The following AP2M1 variants were observed in gnomAD, a reference collection of about 807,000 sequenced individuals.
The protein encoded by AP2M1 is AP-2 complex subunit mu.
A neutral mutation model predicts 54.5 loss-of-function variants in AP2M1; 5 were observed. The ratio of observed to expected loss-of-function variants is 0.09; its 90% CI spans 0.05 to 0.19. The LOEUF (loss-of-function observed/expected upper bound fraction) is 0.19. AP2M1 is among the 10% of genes least tolerant of loss of function. The pLI, the probability that AP2M1 is intolerant of heterozygous loss-of-function variation, is 1.00. For missense variants in AP2M1, 178 were observed against 580.2 expected (o/e 0.31, Z 7.12); for synonymous variants, 186 against 208.2 (o/e 0.89, Z 0.92).
Position 184,181,875 on chromosome 3 carries a change from G to T in AP2M1, c.828-37G>T. The T allele has an allele frequency of 1.2e-6, 2 of 1,613,948 alleles. No individual in the cohort carries two copies. The highest frequency in any genetic ancestry group is 2.2e-5 in the South Asian group (2 of 91,058). ...CTGGCAGACTGGGGAGAGGAAGTGGGTCAGCTCTTTGGTAACCTTGCTTCC... is the reference window on the plus strand; with the variant it reads ...CTGGCAGACTGGGGAGAGGAAGTGGTTCAGCTCTTTGGTAACCTTGCTTCC... On this transcript the variant is annotated intron_variant, in intron 8 of 11. Transcript: ENST00000292807. This position sits in a 1 kb window ranked among gnomAD's most constrained non-coding sequence, Gnocchi z 5.7.
Position 184,181,822 on chromosome 3 carries a change from T to A in AP2M1, c.827+7T>A. 6.2e-7 allele frequency: 1 copy of A among 1,614,088 alleles called. No individual in the cohort carries two copies. On this transcript the variant is annotated splice_region_variant and intron_variant, in intron 8 of 11. Coordinates refer to ENST00000292807, the MANE Select transcript of AP2M1 (RefSeq NM_004068.4). This position sits in a 1 kb window ranked among gnomAD's most constrained non-coding sequence, Gnocchi z 5.7. The stretch of plus-strand genomic sequence containing the variant: ...GAGAGTTTGAGCTTATGAGGTGCCA[T>A]TGGGGTGTGAGGAGGCAGCTAGTGC...
chr3:184,178,898 C>G lies in AP2M1; in HGVS notation c.116C>G (p.Ala39Gly), dbSNP rs1447584022. 1 of 1,614,134 alleles carries G rather than the reference C, an allele frequency of 6.2e-7. No homozygotes were observed. Among genetic ancestry groups the G allele is most frequent in the Non-Finnish European group, 8.5e-7 (1 of 1,180,028 alleles). Residue 39 changes from alanine (A) to glycine (G), a missense_variant, in exon 3 of 12, where the codon GCC (alanine) becomes GGC (glycine). Around this residue, in one of 5 missense-constraint regions of AP2M1, gnomAD observed 115 missense variants for 331.2 expected, o/e 0.35. Coordinates refer to ENST00000292807, the MANE Select transcript of AP2M1 (RefSeq NM_004068.4). The surrounding 1 kb of genome is among the most constrained non-coding windows in gnomAD (Gnocchi z 4.9). Reference protein sequence around the residue: ...VDAFRVNVIHARQQVRSPVTN... With the variant: ...VDAFRVNVIHGRQQVRSPVTN... ...GCCTTTCGGGTCAATGTTATCCATG[C>G]CCGGCAGCAGGTGCGCAGCCCCGTC...
rs566186316 is a variant in AP2M1 at position 184,182,426 on chromosome 3, G to A, written c.1061+178G>A. On this transcript the variant is annotated intron_variant, in intron 10 of 11. Transcript: ENST00000292807. This position sits in a 1 kb window ranked among gnomAD's most constrained non-coding sequence, Gnocchi z 5.5. ...TGTGAGTATGTACACGCCTGCATTT[G>A]GGTTCATGCACGTGCTTATTTTTTA... is the stretch of plus-strand genomic sequence containing the variant. 8 of 667,948 alleles carry A rather than the reference G, an allele frequency of 1.2e-5. No individual in the cohort carries two copies. The African/African-American group carries it at 1.3e-4, about 11-fold the overall frequency. 41.4% of individuals were successfully genotyped at this position (667,948 alleles called of 1,614,324 possible).
Position 184,182,061 on chromosome 3 carries a change from G to C in AP2M1, c.963+14G>C, listed in dbSNP as rs770879947. On this transcript the variant is annotated intron_variant, in intron 9 of 11. Coordinates refer to ENST00000292807, the MANE Select transcript of AP2M1 (RefSeq NM_004068.4). The surrounding 1 kb of genome is among the most constrained non-coding windows in gnomAD (Gnocchi z 5.5). ...CAGAAGATCGAGGTGAGGACAGGGG[G>C]CTCAAGGAGGAGGAAGAACTTGTCC... 1 of 1,612,042 alleles carries C rather than the reference G, an allele frequency of 6.2e-7. No individual in the cohort carries two copies. The highest frequency in any genetic ancestry group is 1.1e-5 in the South Asian group (1 of 90,870).
At chr3:184,177,419 C>T in intron 2 of AP2M1, 1 of 870,016 alleles carries the variant, frequency 1.1e-6, no homozygotes, top group African/African-American at 1.7e-5. Flanking sequence ...GGTTAGTGGC[C>T]ACGCTGGAGG....
chr3:184,180,301 A>G lies in AP2M1; in HGVS notation c.423+50A>G. ...TCAGGGTGGAGTCCAATCTCCCTTC[A>G]TCTCAGCTGGCCCCTGAGCCTTGTC... On this transcript the variant is annotated intron_variant, in intron 4 of 11. Transcript: ENST00000292807. This position sits in a 1 kb window ranked among gnomAD's most constrained non-coding sequence, Gnocchi z 4.9. 6.3e-7 allele frequency: 1 copy of G among 1,593,712 alleles called. No homozygotes were observed. The highest frequency in any genetic ancestry group is 1.3e-5 in the African/African-American group (1 of 74,650).
Position 184,180,615 on chromosome 3 carries a change from T to G in AP2M1, c.424-30T>G. The G allele has an allele frequency of 1.9e-6, 3 of 1,613,666 alleles. No individual in the cohort carries two copies. The highest frequency in any genetic ancestry group is 1.7e-6 in the Non-Finnish European group (2 of 1,180,036). ...TTTCTGCCTCCCTTGCTGCTTCATG[T>G]GGGCACCTCGTTGGCCCTGCGGCCT... On this transcript the variant is annotated intron_variant, in intron 4 of 11. Transcript: ENST00000292807. This position sits in a 1 kb window ranked among gnomAD's most constrained non-coding sequence, Gnocchi z 4.9.
intron 2 of AP2M1, 62 bp downstream of exon 2, chr3:184,177,129 G>T: frequency 6.5e-7 from 1 of 1,528,052 alleles, no homozygotes; most frequent in Non-Finnish European, 8.9e-7. Context: ...CCAGCATACA[G>T]GATTAGGTCT....
Position 184,183,433 on chromosome 3 carries a change from A to C in AP2M1, c.1174-49A>C, listed in dbSNP as rs763660858. On this transcript the variant is annotated intron_variant, in intron 11 of 11. Transcript: ENST00000292807. This position sits in a 1 kb window ranked among gnomAD's most constrained non-coding sequence, Gnocchi z 5.7. ...AGGGCAACGGGACTTCCCAGAGGAG[A>C]GCGGCTGTAAGAGGAAGGCCACATT... The C allele has an allele frequency of 1.9e-6, 3 of 1,611,290 alleles. No individual in the cohort carries two copies. The highest frequency in any genetic ancestry group is 3.3e-5 in the Admixed American group (2 of 59,898).
chr3:184,175,296 C>G (rs1715030792), intron 1 of AP2M1, among the ~76,000 whole-genome samples: 1 of 152,132 alleles, frequency 6.6e-6, no homozygotes, highest in African/African-American at 2.4e-5. Flanking sequence ...ACAATTTCCC[C>G]GTCTCGTAGG....
intron 2 of AP2M1, chr3:184,177,396 C>T (rs763689526): frequency 7.3e-6 from 5 of 686,538 alleles, no homozygotes; most frequent in Non-Finnish European, 9.8e-6. Context: ...GGAGAAATGT[C>T]TCCAGTGGGT....
At position 184,182,136 on chromosome 3, in the gene AP2M1, G is replaced by C. The variant is rs1715295074; in HGVS notation, c.964-15G>C. 1 of 1,613,578 alleles carries C rather than the reference G, an allele frequency of 6.2e-7. No individual in the cohort carries two copies. The highest frequency in any genetic ancestry group is 8.5e-7 in the Non-Finnish European group (1 of 1,179,710). ...ACAGCTTGACAGAGCTCCCTGACAG[G>C]TGTGTCACTTCTAGGTGAGGATCCC... On this transcript the variant is annotated splice_polypyrimidine_tract_variant and intron_variant, in intron 9 of 11. Coordinates refer to ENST00000292807, the MANE Select transcript of AP2M1 (RefSeq NM_004068.4). The surrounding 1 kb of genome is among the most constrained non-coding windows in gnomAD (Gnocchi z 5.5).
rs1715329656 is a variant in AP2M1 at position 184,183,143 on chromosome 3, T to C, written c.1173+275T>C. The C allele has an allele frequency of 7.1e-6, 4 of 561,798 alleles. No individual in the cohort carries two copies. The highest frequency in any genetic ancestry group is 1.3e-5 in the Non-Finnish European group (4 of 313,586). The allele number at this position is 561,798 out of a possible 1,614,324, so 34.8% of individuals were successfully genotyped here. Reference sequence around the variant, plus strand: ...ATGCCAGGTAAGACACAAAGTTTACTTACAGACAGGATAATGGGCTGACTT... The same window carrying C: ...ATGCCAGGTAAGACACAAAGTTTACCTACAGACAGGATAATGGGCTGACTT... On this transcript the variant is annotated intron_variant, in intron 11 of 11. Transcript: ENST00000292807. The surrounding 1 kb of genome is among the most constrained non-coding windows in gnomAD (Gnocchi z 5.7).
intron 2 of AP2M1, chr3:184,177,841 G>A: frequency 1.7e-6 from 1 of 594,616 alleles, no homozygotes; most frequent in Non-Finnish European, 3.0e-6. Flanking sequence ...CTTCCTCAGA[G>A]AGCTTGAGAT....
In AP2M1 at chr3:184,176,978, A is replaced by C; in HGVS notation, c.-16A>C. 1.2e-6 allele frequency: 2 copies of C among 1,613,396 alleles called. No individual in the cohort carries two copies. The highest frequency in any genetic ancestry group is 2.7e-5 in the African/African-American group (2 of 74,994). On this transcript the variant is annotated 5_prime_UTR_variant, in exon 2 of 12. Transcript: ENST00000292807. ...CTGTTCTCAGAGCGATGGGCCGCGG[A>C]GACTGATCTGCCGCCATGATTGGAG...
In AP2M1 at chr3:184,180,577, G is replaced by C; in HGVS notation, c.424-68G>C. Reference sequence around the variant, plus strand: ...TCTCCTCTAGGATCCAAGCCTCATAGCTTTCTCCTCCTTTTCTGCCTCCCT... The same window carrying C: ...TCTCCTCTAGGATCCAAGCCTCATACCTTTCTCCTCCTTTTCTGCCTCCCT... On this transcript the variant is annotated intron_variant, in intron 4 of 11. Coordinates refer to ENST00000292807, the MANE Select transcript of AP2M1 (RefSeq NM_004068.4). This position sits in a 1 kb window ranked among gnomAD's most constrained non-coding sequence, Gnocchi z 4.9. 1 of 1,611,704 alleles carries C rather than the reference G, an allele frequency of 6.2e-7. No homozygotes were observed. The highest frequency in any genetic ancestry group is 8.5e-7 in the Non-Finnish European group (1 of 1,179,528).
At chr3:184,176,593 C>T (rs1290523576) in intron 1 of AP2M1, among the ~76,000 whole-genome samples, 3 of 151,914 alleles carry the variant, frequency 2.0e-5, no homozygotes, top group African/African-American at 2.4e-5. Context: ...GCAGGCAAGC[C>T]TTAGTGAGTC....
rs796948561 is a variant in AP2M1 at position 184,179,179 on chromosome 3, G to C, written c.340+57G>C. On this transcript the variant is annotated intron_variant, in intron 3 of 11. Coordinates refer to ENST00000292807, the MANE Select transcript of AP2M1 (RefSeq NM_004068.4). Reference sequence around the variant, plus strand: ...GTAGGGTGGGAAAAAACCAGGCTGGGCCTGGCCTGAAGGTGGGTGTAGGTC... The same window carrying C: ...GTAGGGTGGGAAAAAACCAGGCTGGCCCTGGCCTGAAGGTGGGTGTAGGTC... 18 of 1,591,004 alleles carry C rather than the reference G, an allele frequency of 1.1e-5. No homozygotes were observed. The South Asian group carries it at 1.7e-4, about 15-fold the overall frequency.
In AP2M1 at chr3:184,180,035, A is replaced by G. The variant is rs757490871; in HGVS notation, c.341-134A>G. On this transcript the variant is annotated intron_variant, in intron 3 of 11. Transcript: ENST00000292807. This position sits in a 1 kb window ranked among gnomAD's most constrained non-coding sequence, Gnocchi z 4.9. ...AAGCACAAATCACAGAATAAATGCTACAAAGCTAGAAGACTTTCTTGCGGA... is the reference window on the plus strand; with the variant it reads ...AAGCACAAATCACAGAATAAATGCTGCAAAGCTAGAAGACTTTCTTGCGGA... The G allele has an allele frequency of 5.1e-5, 38 of 738,428 alleles. No homozygotes were observed. Among genetic ancestry groups the G allele is most frequent in the Non-Finnish European group, 8.0e-5 (35 of 439,662 alleles). 45.7% of individuals were successfully genotyped at this position (738,428 alleles called of 1,614,324 possible).
Sources: allele counts gnomAD v4.1 joint callset (sites outside exome capture counted in the v4.1 genomes callset), GRCh38; gene constraint gnomAD v4.1.1; regional missense constraint gnomAD v4.1.1; non-coding constraint Gnocchi (gnomAD v3.1); transcripts MANE v1.5; gene names NCBI Gene and HGNC (gene_info 2026-07-23, HGNC 2026-07-21).